WDR77: variants seen among roughly 807,000 people sequenced by gnomAD.
WDR77 encodes the protein methylosome protein WDR77.
A neutral mutation model predicts 44.0 loss-of-function variants in WDR77; 31 were observed. The observed-to-expected ratio is 0.70, with a 90% CI of 0.53 to 0.95. The LOEUF is 0.95. WDR77 is among the 40% of genes least tolerant of loss of function. WDR77 has a pLI of 0.00. For missense variants in WDR77, 390 were observed against 423.9 expected, an observed-to-expected ratio of 0.92 and a Z score of 0.70; for synonymous variants, 186 against 165.7, an observed-to-expected ratio of 1.12 and a Z score of -0.94.
chr1:111,442,338 T>C (rs1652850507), intron 8 of WDR77, among the ~76,000 whole-genome samples: 1 of 152,174 alleles, frequency 6.6e-6, no homozygotes, highest in Non-Finnish European at 1.5e-5. Flanking sequence ...CTCTATAGCT[T>C]CAGCAATAAC....
intron 3 of WDR77, 47 bp downstream of exon 3, chr1:111,447,388 C>A (rs1338387022): frequency 1.2e-6 from 2 of 1,610,674 alleles, no homozygotes; most frequent in African/African-American, 2.7e-5. Context: ...ATAGGAAAGG[C>A]ACCCACAGGA....
At position 111,443,706 on chromosome 1, in the gene WDR77, ATGGGG is replaced by A. The variant is rs1329715235; in HGVS notation, c.619+156_619+160del. ...TTCCTCTTGGTATTCATTGCACAGA[ATGGGG>A]TTAGCAGAGCCTCACTGGAAAAGAA... On this transcript the variant is annotated intron_variant, in intron 6 of 9. Coordinates refer to ENST00000235090, the MANE Select transcript of WDR77 (RefSeq NM_024102.4). The A allele has an allele frequency of 9.6e-5, 95 of 985,438 alleles. No homozygotes were observed. In the African/African-American group the frequency reaches 1.6e-3, roughly 16 times the overall value. 61.0% of individuals were successfully genotyped at this position (985,438 alleles called of 1,614,324 possible).
chr1:111,442,721 A>T lies in WDR77; in HGVS notation c.732T>A (p.Ser244Arg). ...CAGCTGAGCTCAGGACACAGCTTGTACTCTTGGTGTCCACAAGGGAGACTG... is the reference window on the plus strand; with the variant it reads ...CAGCTGAGCTCAGGACACAGCTTGTTCTCTTGGTGTCCACAAGGGAGACTG... ...NGTVSLVDTK[S>R]TSCVLSSAVH... The change falls in exon 8 of 10, where the codon AGT (serine) becomes AGA (arginine). Residue 244 changes from serine to arginine, a missense_variant. Ser to Arg is a moderately radical substitution (Grantham distance 110, BLOSUM62 -1). Coordinates refer to ENST00000235090, the MANE Select transcript of WDR77 (RefSeq NM_024102.4). 1 of 1,600,180 alleles carries T rather than the reference A, an allele frequency of 6.2e-7. No homozygotes were observed. Among genetic ancestry groups the T allele is most frequent in the Non-Finnish European group, 8.5e-7 (1 of 1,170,308 alleles).
chr1:111,441,349 T>G lies in WDR77; in HGVS notation c.910A>C (p.Thr304Pro), dbSNP rs747825688. 6.4e-7 allele frequency: 1 copy of G among 1,563,902 alleles called. No individual in the cohort carries two copies. Among genetic ancestry groups the G allele is most frequent in the South Asian group, 1.2e-5 (1 of 84,822 alleles). ...QAHRDFVRDATWSPLNHSLLT... is the reference protein window; with the variant it reads ...QAHRDFVRDAPWSPLNHSLLT... Reference sequence around the variant, plus strand: ...AGGGAGTGATTGAGCGGGGACCAAGTCGCATCTCTCACAAAGTCTCTGTGG... The same window carrying G: ...AGGGAGTGATTGAGCGGGGACCAAGGCGCATCTCTCACAAAGTCTCTGTGG... Residue 304 changes from threonine (T) to proline (P), a missense_variant, in exon 10 of 10, where the codon ACT becomes CCT. Physicochemically the swap from Thr to Pro is conservative, Grantham distance 38. Coordinates refer to ENST00000235090, the MANE Select transcript of WDR77 (RefSeq NM_024102.4).
chr1:111,446,465 A>G (rs1653035267), intron 4 of WDR77, among the ~76,000 whole-genome samples: 1 of 152,218 alleles, frequency 6.6e-6, no homozygotes, highest in Non-Finnish European at 1.5e-5. Context: ...CAAGAATGTC[A>G]AGGATCTAGT....
At chr1:111,448,950 G>T (rs1653181861) in intron 1 of WDR77, 105 bp downstream of exon 1, 2 of 1,534,940 alleles carry the variant, frequency 1.3e-6, no homozygotes. Flanking sequence ...GCGACCCAGG[G>T]TCAGGATAAC....
chr1:111,448,973 G>A, intron 1 of WDR77, 82 bp downstream of exon 1: 4 of 785,006 alleles, frequency 5.1e-6, no homozygotes, highest in South Asian at 2.9e-5. Context: ...GCAGGGCGGG[G>A]ATGGGCTGGG....
chr1:111,441,188 G>A lies in WDR77; in HGVS notation c.*42C>T. 7.0e-7 allele frequency: 1 copy of A among 1,422,368 alleles called. No individual in the cohort carries two copies. The highest frequency in any genetic ancestry group is 9.3e-7 in the Non-Finnish European group (1 of 1,078,454). The allele number at this position is 1,422,368 out of a possible 1,614,324, so 88.1% of individuals were successfully genotyped here. On this transcript the variant is annotated 3_prime_UTR_variant, in exon 10 of 10. Coordinates refer to ENST00000235090, the MANE Select transcript of WDR77 (RefSeq NM_024102.4). ...CAAGCTGAGAGGGCAGGGCAAAGAA[G>A]TGGACACTCATGGGGGACTTGCTTT...
At chr1:111,446,942 A>T in intron 4 of WDR77, 153 bp downstream of exon 4, 1 of 740,312 alleles carries the variant, frequency 1.4e-6, no homozygotes, top group Non-Finnish European at 2.3e-6. Context: ...AAGGAAATTG[A>T]GAAAAGGACA....
chr1:111,448,966 G>T (rs1029744980), intron 1 of WDR77, 89 bp downstream of exon 1: 1 of 1,538,558 alleles, frequency 6.5e-7, no homozygotes, highest in African/African-American at 1.4e-5. Context: ...ATAACATGCA[G>T]GGCGGGGATG....
chr1:111,444,476 T>C (rs543505258), intron 4 of WDR77, among the ~76,000 whole-genome samples: 21 of 152,124 alleles, frequency 1.4e-4, no homozygotes, highest in Non-Finnish European at 2.8e-4. Context: ...CTCCAAGTAG[T>C]ATACAAAAAC....
Position 111,441,390 on chromosome 1 carries a change from C to A in WDR77, c.870-1G>T. On this transcript the variant is annotated splice_acceptor_variant, in intron 9 of 9. Transcript: ENST00000235090. LOFTEE classifies it high-confidence loss of function. Reference sequence around the variant, plus strand: ...GTCTCTGTGGGCTTGGCTTCTAAACCTAGAAGAAAGAAAAAAAGTCGGGGC... The same window carrying A: ...GTCTCTGTGGGCTTGGCTTCTAAACATAGAAGAAAGAAAAAAAGTCGGGGC... 2 of 1,489,696 alleles carry A rather than the reference C, an allele frequency of 1.3e-6. No individual in the cohort carries two copies. The highest frequency in any genetic ancestry group is 9.0e-7 in the Non-Finnish European group (1 of 1,114,392). The allele number at this position is 1,489,696 out of a possible 1,614,324, so 92.3% of individuals were successfully genotyped here. A position where few individuals can be genotyped will look rare whatever the true frequency, so the allele number is the denominator to read the frequency against.
chr1:111,445,408 G>T (rs1652983057), intron 4 of WDR77, among the ~76,000 whole-genome samples: 1 of 152,152 alleles, frequency 6.6e-6, no homozygotes, highest in Admixed American at 6.5e-5. Context: ...AAAAAGCAAA[G>T]CTCTGGGACA....
In WDR77 at chr1:111,442,675, C is replaced by T. The variant is rs1052360563; in HGVS notation, c.778G>A (p.Gly260Arg). 1.9e-6 allele frequency: 3 copies of T among 1,585,846 alleles called. No homozygotes were observed. In the African/African-American group the frequency reaches 4.0e-5, roughly 21 times the overall value. Reference protein sequence around the residue: ...SSAVHSQCVTGLVFSPHSVPF... With the variant: ...SSAVHSQCVTRLVFSPHSVPF... ...TACCTGTGTGGGGAGAACACCAGCCCAGTGACACACTGGGAGTGTACAGCT... is the reference window on the plus strand; with the variant it reads ...TACCTGTGTGGGGAGAACACCAGCCTAGTGACACACTGGGAGTGTACAGCT... Residue 260 changes from glycine to arginine, a missense_variant, in exon 8 of 10, where the codon GGG (glycine) becomes AGG (arginine). By Grantham distance (125) the Gly-to-Arg change is moderately radical (BLOSUM62 -2). Transcript: ENST00000235090.
At position 111,449,225 on chromosome 1, in the gene WDR77, C is replaced by T. The variant is rs1264518252; in HGVS notation, c.-56G>A. 6.5e-7 allele frequency: 1 copy of T among 1,534,992 alleles called. No individual in the cohort carries two copies. Among genetic ancestry groups the T allele is most frequent in the African/African-American group, 1.4e-5 (1 of 73,008 alleles). The stretch of plus-strand genomic sequence containing the variant: ...AACTGGACGCCGGCCGGAGACTCCG[C>T]TCCGGCAGCAAACCCCACGTGGTGC... On this transcript the variant is annotated 5_prime_UTR_variant, in exon 1 of 10. Transcript: ENST00000235090.
intron 6 of WDR77, chr1:111,443,656 A>G: frequency 1.0e-6 from 1 of 985,380 alleles, no homozygotes; most frequent in Non-Finnish European, 1.2e-6. Flanking sequence ...CTAATAAAGT[A>G]AATCACCCAC....
intron 4 of WDR77, among the ~76,000 whole-genome samples, chr1:111,444,439 G>A (rs1652940680): frequency 6.6e-6 from 1 of 152,020 alleles, no homozygotes; most frequent in African/African-American, 2.4e-5. Context: ...TTCTAGAATA[G>A]CAGTCTTCAT....
chr1:111,444,369 C>T (rs1652937428), intron 4 of WDR77, among the ~76,000 whole-genome samples: 6 of 151,630 alleles, frequency 4.0e-5, no homozygotes, highest in Admixed American at 3.9e-4. Context: ...AAATTAGGGG[C>T]TTAGTAAGAA....
rs1000417950 is a variant in WDR77 at position 111,441,243 on chromosome 1, C to T, written c.1016G>A (p.Ser339Asn). 1.4e-5 allele frequency: 22 copies of T among 1,549,022 alleles called. No homozygotes were observed. The highest frequency in any genetic ancestry group is 1.8e-5 in the Non-Finnish European group (21 of 1,148,254). ...CTTAAATCCAATCTACTCAGTAACA[C>T]TTGCAGGTCCAGGGGCTGGGAGAGG... Reference protein sequence around the residue: ...TEPLPAPGPASVTE With the variant: ...TEPLPAPGPANVTE The change falls in exon 10 of 10, where the codon AGT becomes AAT. Residue 339 changes from serine to asparagine, a missense_variant. By Grantham distance (46) the Ser-to-Asn change is conservative. Coordinates refer to ENST00000235090, the MANE Select transcript of WDR77 (RefSeq NM_024102.4).
Sources: gnomAD v4.1 joint callset for allele counts (sites outside exome capture counted in the v4.1 genomes callset) on GRCh38, gnomAD v4.1.1 for gene constraint, MANE v1.5 for transcripts, NCBI Gene and HGNC (gene_info 2026-07-23, HGNC 2026-07-21) for gene names.